ENOX1: variants seen among roughly 807,000 people sequenced by gnomAD.
The protein encoded by ENOX1 is candidate growth-related and time keeping constitutive hydroquinone (NADH) oxidase.
A neutral mutation model predicts 82.5 loss-of-function variants in ENOX1; 42 were observed. The observed-to-expected ratio is 0.51, with a 90% CI of 0.40 to 0.66. ENOX1 has a LOEUF of 0.66. Ranked by LOEUF, ENOX1 falls within the 30% of genes least tolerant of loss-of-function variation. The pLI is 0.00. For synonymous variants in ENOX1, 271 were observed against 282.2 expected, an observed-to-expected ratio of 0.96 and a Z score of 0.40; for missense variants, 608 against 811.6, an observed-to-expected ratio of 0.75 and a Z score of 3.05.
intron 2 of ENOX1, among the ~76,000 whole-genome samples, chr13:43,614,773 G>A (rs796948567): frequency 5.5e-4 from 83 of 152,214 alleles, no homozygotes; most frequent in African/African-American, 1.8e-3. Flanking sequence ...CATTTCCAAT[G>A]AGGGTATGTT....
At chr13:43,497,017 T>C (rs991009008) in intron 2 of ENOX1, among the ~76,000 whole-genome samples, 1 of 152,152 alleles carries the variant, frequency 6.6e-6, no homozygotes, top group South Asian at 2.1e-4. Context: ...GAAATAAAAA[T>C]CTTAATATAG....
At chr13:43,507,106 A>G (rs1393384428) in intron 2 of ENOX1, among the ~76,000 whole-genome samples, 1 of 151,978 alleles carries the variant, frequency 6.6e-6, no homozygotes, top group Non-Finnish European at 1.5e-5. Context: ...ACAAAAATCA[A>G]TATAAAGAAA....
At chr13:43,223,867 A>G (rs568227810) in intron 16 of ENOX1, among the ~76,000 whole-genome samples, 186 bp downstream of exon 16, 1 of 152,314 alleles carries the variant, frequency 6.6e-6, no homozygotes, top group Admixed American at 6.5e-5. Flanking sequence ...TTCTTTTTAC[A>G]AAGACAAAAG....
chr13:43,775,290 T>A (rs1951851152), intron 1 of ENOX1, among the ~76,000 whole-genome samples: 1 of 152,144 alleles, frequency 6.6e-6, no homozygotes, highest in Non-Finnish European at 1.5e-5. Flanking sequence ...AGCTTATGAC[T>A]ACAGGTGTGC....
intron 6 of ENOX1, among the ~76,000 whole-genome samples, 175 bp downstream of exon 6, chr13:43,361,104 T>C (rs905512900): frequency 6.6e-6 from 1 of 152,210 alleles, no homozygotes; most frequent in African/African-American, 2.4e-5. Flanking sequence ...GACAGACACG[T>C]GGCCACATCC....
At chr13:43,218,014 T>A (rs186335199) in intron 16 of ENOX1, among the ~76,000 whole-genome samples, 1 of 152,332 alleles carries the variant, frequency 6.6e-6, no homozygotes, top group East Asian at 1.9e-4. Context: ...ATATCAAGGA[T>A]AACCCCCCAA....
At chr13:43,473,933 G>A (rs891388282) in intron 3 of ENOX1, among the ~76,000 whole-genome samples, 1 of 152,050 alleles carries the variant, frequency 6.6e-6, no homozygotes, top group Admixed American at 6.6e-5. Context: ...AATGAACATC[G>A]TCACTTGGAA....
At chr13:43,516,296 T>C (rs1460448411) in intron 2 of ENOX1, among the ~76,000 whole-genome samples, 1 of 152,140 alleles carries the variant, frequency 6.6e-6, no homozygotes, top group Non-Finnish European at 1.5e-5. Flanking sequence ...TAAAACATCT[T>C]TGAAGTCATG....
At chr13:43,432,901 C>T (rs975901615) in intron 3 of ENOX1, among the ~76,000 whole-genome samples, 1 of 152,012 alleles carries the variant, frequency 6.6e-6, no homozygotes, top group African/African-American at 2.4e-5. Flanking sequence ...AAATCGTTAA[C>T]CCTATTCACC....
chr13:43,320,659 C>T (rs2047756683), intron 11 of ENOX1, among the ~76,000 whole-genome samples: 1 of 151,980 alleles, frequency 6.6e-6, no homozygotes, highest in East Asian at 1.9e-4. Context: ...GAAACATCAC[C>T]AAGACAAAAC....
chr13:43,508,570 G>A (rs1210769660), intron 2 of ENOX1, among the ~76,000 whole-genome samples: 1 of 151,934 alleles, frequency 6.6e-6, no homozygotes, highest in Middle Eastern at 3.2e-3. Context: ...AAGGTATACA[G>A]GTAACGAGAA....
intron 1 of ENOX1, among the ~76,000 whole-genome samples, chr13:43,732,936 C>G (rs780213639): frequency 6.6e-5 from 10 of 152,188 alleles, no homozygotes; most frequent in Non-Finnish European, 1.5e-4. Context: ...GTTCACATCA[C>G]TGACACAAAT....
intron 14 of ENOX1, among the ~76,000 whole-genome samples, chr13:43,256,448 A>C (rs1197746797): frequency 6.6e-6 from 1 of 152,190 alleles, no homozygotes; most frequent in Non-Finnish European, 1.5e-5. Flanking sequence ...TTAAAACATA[A>C]GGAACTCAAT....
At chr13:43,568,669 C>T (rs1038179274) in intron 2 of ENOX1, among the ~76,000 whole-genome samples, 29 of 135,910 alleles carry the variant, frequency 2.1e-4, no homozygotes, top group Non-Finnish European at 3.9e-4. Context: ...TTATCTAGAG[C>T]GGGTCCTACA....
At chr13:43,281,921 A>G (rs1321428790) in intron 12 of ENOX1, among the ~76,000 whole-genome samples, 2 of 152,180 alleles carry the variant, frequency 1.3e-5, no homozygotes. Flanking sequence ...GACATAAATC[A>G]GTTGCATTCT....
At chr13:43,413,900 T>C (rs1355209718) in intron 3 of ENOX1, among the ~76,000 whole-genome samples, 1 of 151,792 alleles carries the variant, frequency 6.6e-6, no homozygotes, top group African/African-American at 2.4e-5. Context: ...CTTTCACCAT[T>C]TCAAAACTCA....
intron 2 of ENOX1, among the ~76,000 whole-genome samples, chr13:43,525,785 A>G (rs752362708): frequency 2.6e-5 from 4 of 151,940 alleles, no homozygotes; most frequent in Non-Finnish European, 4.4e-5. Context: ...TTCTTTGGAG[A>G]AATGTCTTTT....
At chr13:43,526,091 T>C (rs2077979932) in intron 2 of ENOX1, among the ~76,000 whole-genome samples, 1 of 152,126 alleles carries the variant, frequency 6.6e-6, no homozygotes, top group Non-Finnish European at 1.5e-5. Flanking sequence ...GCAGGCTGGA[T>C]GGTTAAAGTT....
At chr13:43,626,371 CTTGTT>C (rs1161772312) in intron 2 of ENOX1, among the ~76,000 whole-genome samples, 1 of 151,556 alleles carries the variant, frequency 6.6e-6, no homozygotes, top group Non-Finnish European at 1.5e-5. Context: ...TCAAGTTTAA[CTTGTT>C]TTGTTTTAGT....
Sources: gnomAD v4.1 joint callset for allele counts (sites outside exome capture counted in the v4.1 genomes callset) on GRCh38, gnomAD v4.1.1 for gene constraint, MANE v1.5 for transcripts, NCBI Gene and HGNC (gene_info 2026-07-23, HGNC 2026-07-21) for gene names.